The following GRID2 variants were observed in gnomAD, a reference collection of about 807,000 sequenced individuals.
GRID2 encodes the protein glutamate receptor ionotropic, delta-2.
In GRID2, 33 loss-of-function variants were observed where a neutral mutation model predicts 114.8. That is an observed-to-expected ratio of 0.29 (90% CI 0.22 to 0.38). The LOEUF is 0.38. GRID2 is among the 10% of genes least tolerant of loss of function. The pLI is 1.00. For synonymous variants in GRID2, 505 were observed against 449.9 expected (o/e 1.12, Z -1.55); for missense variants, 1,184 against 1,257.7 (o/e 0.94, Z 0.89).
At chr4:92,796,103 C>T (rs1414352024) in intron 2 of GRID2, among the ~76,000 whole-genome samples, 2 of 151,916 alleles carry the variant, frequency 1.3e-5, no homozygotes, top group Admixed American at 1.3e-4. Context: ...TTCCCGACTT[C>T]CATGATGTTC....
At chr4:93,677,219 C>A (rs896488477) in intron 14 of GRID2, among the ~76,000 whole-genome samples, 3 of 152,284 alleles carry the variant, frequency 2.0e-5, no homozygotes, top group African/African-American at 7.2e-5. Flanking sequence ...GGCAGTGAGG[C>A]TGGGGGAGGG....
At chr4:92,451,655 A>G (rs1056473793) in intron 1 of GRID2, among the ~76,000 whole-genome samples, 8 of 152,220 alleles carry the variant, frequency 5.3e-5, no homozygotes, top group Admixed American at 1.3e-4. Context: ...CATTTCACCA[A>G]TGATATGCAT....
intron 2 of GRID2, among the ~76,000 whole-genome samples, chr4:92,976,576 G>A (rs182101584): frequency 2.0e-4 from 31 of 151,854 alleles, no homozygotes; most frequent in Admixed American, 6.6e-4. Flanking sequence ...TACATTTCTG[G>A]CACACTATTC....
chr4:92,966,948 C>T (rs887375530), intron 2 of GRID2, among the ~76,000 whole-genome samples: 19 of 151,898 alleles, frequency 1.3e-4, no homozygotes, highest in Admixed American at 9.9e-4. Flanking sequence ...ATATAGGCAC[C>T]GTTGTCATGA....
At chr4:93,630,833 A>C (rs755669022) in intron 14 of GRID2, among the ~76,000 whole-genome samples, 11 of 152,232 alleles carry the variant, frequency 7.2e-5, no homozygotes, top group Non-Finnish European at 1.3e-4. Flanking sequence ...ATTGGAAAAA[A>C]TTCAAAATTT....
intron 3 of GRID2, among the ~76,000 whole-genome samples, chr4:93,107,939 C>A: frequency 6.6e-6 from 1 of 150,448 alleles, no homozygotes; most frequent in East Asian, 2.0e-4. Flanking sequence ...AAATTAAAAC[C>A]TCTTCCTGTG....
In GRID2 at chr4:92,851,827, A is replaced by C. The variant is rs141420656; in HGVS notation, c.245-233168A>C. 9.5e-3 allele frequency among the ~76,000 whole-genome samples: 1,440 copies of C among 152,108 alleles called. 12 individuals are homozygous for C. Among genetic ancestry groups the C allele is most frequent in the Middle Eastern group, 0.034 (10 of 294 alleles). ...TTCCTGCCTACAGAGAAAGTATGTGAAAAAGTGGGTGAACTTTGTAACGGT... is the reference window on the plus strand; with the variant it reads ...TTCCTGCCTACAGAGAAAGTATGTGCAAAAGTGGGTGAACTTTGTAACGGT... On this transcript the variant is annotated intron_variant, in intron 2 of 15. Coordinates refer to ENST00000282020, the MANE Select transcript of GRID2 (RefSeq NM_001510.4).
At chr4:93,775,143 C>G (rs111537010), downstream of GRID2, among the ~76,000 whole-genome samples, 128 of 60,830 alleles carry the variant, frequency 2.1e-3, no homozygotes, top group African/African-American at 5.1e-3. Context: ...ACATAATTTA[C>G]TAAAAAAAAA....
chr4:93,476,643 G>A (rs1725346221), intron 11 of GRID2, among the ~76,000 whole-genome samples: 2 of 152,024 alleles, frequency 1.3e-5, no homozygotes, highest in Admixed American at 1.3e-4. Context: ...ATATCAAAAT[G>A]GAACAGATAT....
Position 93,245,607 on chromosome 4 carries a change from G to A in GRID2, c.1245+7117G>A, listed in dbSNP as rs372010366. ...ACTTTTAAGATTATTGTCTCACAGC[G>A]AGACTAGATTTAACAGGCTGTAGTG... On this transcript the variant is annotated intron_variant, in intron 8 of 15. Coordinates refer to ENST00000282020, the MANE Select transcript of GRID2 (RefSeq NM_001510.4). Among the ~76,000 whole-genome samples, 232 of 152,244 alleles carry A rather than the reference G, an allele frequency of 1.5e-3. 5 individuals are homozygous for A. In the South Asian group the frequency reaches 0.044, roughly 29 times the overall value.
chr4:93,276,186 C>T (rs1206515403), intron 8 of GRID2, among the ~76,000 whole-genome samples: 3 of 151,910 alleles, frequency 2.0e-5, no homozygotes, highest in African/African-American at 7.2e-5. Flanking sequence ...CAGTTTATTC[C>T]AGTTCCATTT....
intron 2 of GRID2, among the ~76,000 whole-genome samples, chr4:92,832,436 C>G (rs1302676819): frequency 6.6e-6 from 1 of 152,012 alleles, no homozygotes; most frequent in East Asian, 1.9e-4. Flanking sequence ...TTCTGTCACC[C>G]AGGCTGCAGT....
chr4:93,096,157 G>A (rs1211885400), intron 3 of GRID2, among the ~76,000 whole-genome samples: 1 of 151,902 alleles, frequency 6.6e-6, no homozygotes, highest in Non-Finnish European at 1.5e-5. Flanking sequence ...TTGGGTCCCT[G>A]TATGGAATCA....
Position 93,729,918 on chromosome 4 carries a change from A to G in GRID2, c.2361-39292A>G, listed in dbSNP as rs566019075. ...CTATCTCTGAAATTGTGGACATGCA[A>G]TTTCCAGGACAGCAGAGAGACTGTG... is the stretch of plus-strand genomic sequence containing the variant. On this transcript the variant is annotated intron_variant, in intron 14 of 15. Transcript: ENST00000282020. 8.7e-4 allele frequency among the ~76,000 whole-genome samples: 133 copies of G among 152,240 alleles called. 1 individual carries two copies. The highest frequency in any genetic ancestry group is 3.4e-3 in the Middle Eastern group (1 of 294).
chr4:92,968,071 G>T (rs1040722588), intron 2 of GRID2, among the ~76,000 whole-genome samples: 1 of 151,920 alleles, frequency 6.6e-6, no homozygotes, highest in Non-Finnish European at 1.5e-5. Flanking sequence ...ACATTTTGGA[G>T]TATAATTTAT....
chr4:93,079,786 G>T (rs901079344), intron 2 of GRID2, among the ~76,000 whole-genome samples: 4 of 152,014 alleles, frequency 2.6e-5, no homozygotes, highest in African/African-American at 4.8e-5. Flanking sequence ...ATAATTAAAG[G>T]TTCACGTTGG....
chr4:93,329,400 C>G (rs970845954), intron 8 of GRID2, among the ~76,000 whole-genome samples: 1 of 152,050 alleles, frequency 6.6e-6, no homozygotes, highest in Non-Finnish European at 1.5e-5. Flanking sequence ...TGAAGAATGT[C>G]TCTATGTTTT....
chr4:93,301,022 T>A (rs1468376509), intron 8 of GRID2, among the ~76,000 whole-genome samples: 1 of 152,240 alleles, frequency 6.6e-6, no homozygotes, highest in Non-Finnish European at 1.5e-5. Flanking sequence ...GGCCCAGGCC[T>A]GTTTTCGGGC....
chr4:92,452,786 A>G (rs1720995214), intron 1 of GRID2, among the ~76,000 whole-genome samples: 1 of 149,634 alleles, frequency 6.7e-6, no homozygotes, highest in African/African-American at 2.5e-5. Context: ...AGTAGATAGC[A>G]AATATATATG....
Sources: allele counts gnomAD v4.1 joint callset (sites outside exome capture counted in the v4.1 genomes callset), GRCh38; gene constraint gnomAD v4.1.1; transcripts MANE v1.5; gene names NCBI Gene and HGNC (gene_info 2026-07-23, HGNC 2026-07-21).